Variants in SOBP observed in about 807,000 individuals in gnomAD.
SOBP encodes sine oculis binding protein homolog, also known as sine oculis-binding protein homolog.
In SOBP, 4 loss-of-function variants were observed where a neutral mutation model predicts 53.6. The observed-to-expected ratio is 0.07, with a 90% CI of 0.04 to 0.17. The LOEUF is 0.17. SOBP is among the 10% of genes least tolerant of loss of function. The pLI, the probability that SOBP is intolerant of heterozygous loss-of-function variation, is 1.00. For synonymous variants in SOBP, 584 were observed against 522.6 expected (o/e 1.12, Z -1.60); for missense variants, 1,088 against 1,204.7 (o/e 0.90, Z 1.43).
chr6:107,609,699 TTA>T (rs1199961640), intron 5 of SOBP, among the ~76,000 whole-genome samples: 1 of 152,074 alleles, frequency 6.6e-6, no homozygotes. Flanking sequence ...CCTAGCTCCG[TTA>T]TGCATAAGGA....
chr6:107,581,593 T>G (rs1254310821), intron 4 of SOBP, among the ~76,000 whole-genome samples: 1 of 152,208 alleles, frequency 6.6e-6, no homozygotes, highest in African/African-American at 2.4e-5. Context: ...CACAGCATAC[T>G]GAAAGGCAGT....
At chr6:107,652,502 G>A (rs1193874888) in intron 6 of SOBP, among the ~76,000 whole-genome samples, 1 of 152,232 alleles carries the variant, frequency 6.6e-6, no homozygotes, top group African/African-American at 2.4e-5. Context: ...TCTAGAGATA[G>A]AATCTGCTCC....
chr6:107,578,690 A>T (rs4945780), intron 4 of SOBP, among the ~76,000 whole-genome samples: 86,330 of 152,132 alleles, frequency 0.57, 28,201 homozygotes, highest in East Asian at 0.9. Context: ...GGTACGTGCA[A>T]GAAAAGCTGT....
intron 3 of SOBP, among the ~76,000 whole-genome samples, chr6:107,508,350 G>C (rs764462004): frequency 6.6e-5 from 10 of 152,116 alleles, no homozygotes; most frequent in Non-Finnish European, 1.3e-4. Flanking sequence ...AGGCCAAGGC[G>C]GGTGGATCAC....
intron 4 of SOBP, among the ~76,000 whole-genome samples, chr6:107,549,601 C>G (rs923263496): frequency 1.3e-5 from 2 of 152,020 alleles, no homozygotes; most frequent in Admixed American, 6.5e-5. Context: ...CCTCCTCATT[C>G]AAGCCCTTTT....
At chr6:107,556,453 A>T (rs528274444) in intron 4 of SOBP, among the ~76,000 whole-genome samples, 1 of 152,350 alleles carries the variant, frequency 6.6e-6, no homozygotes, top group African/African-American at 2.4e-5. Flanking sequence ...CAGCAGCATG[A>T]TTTCCATCAC....
chr6:107,656,287 A>AAAAGAAAGAAAG (rs1184787226), intron 6 of SOBP, among the ~76,000 whole-genome samples: 7 of 124,352 alleles, frequency 5.6e-5, no homozygotes, highest in South Asian at 3.1e-4. Flanking sequence ...AGAAAGAAAG[A>AAAAGAAAGAAAG]AAAGAAAGAA....
intron 4 of SOBP, among the ~76,000 whole-genome samples, chr6:107,565,282 G>C (rs1424067450): frequency 2.0e-5 from 3 of 152,160 alleles, no homozygotes; most frequent in Non-Finnish European, 2.9e-5. Context: ...CAGAGTCTCT[G>C]CTGAGTCCCA....
At chr6:107,549,845 G>A (rs150866260) in intron 4 of SOBP, among the ~76,000 whole-genome samples, 37 of 152,176 alleles carry the variant, frequency 2.4e-4, no homozygotes, top group Non-Finnish European at 1.5e-5. Flanking sequence ...GAAAACCTAT[G>A]TCAAAACAAC....
chr6:107,646,997 T>G, intron 6 of SOBP, among the ~76,000 whole-genome samples: 1 of 152,166 alleles, frequency 6.6e-6, no homozygotes, highest in Non-Finnish European at 1.5e-5. Context: ...TGCCCTAAAA[T>G]GGCAGTTGCC....
Position 107,490,611 on chromosome 6 carries a change from A to G in SOBP, c.-6A>G, listed in dbSNP as rs550082211. Reference sequence around the variant, plus strand: ...TTTCATCTCCACAGAAACCAGACACAAAAACATGGCAGAAATGGAGAAAGA... The same window carrying G: ...TTTCATCTCCACAGAAACCAGACACGAAAACATGGCAGAAATGGAGAAAGA... On this transcript the variant is annotated 5_prime_UTR_variant, in exon 1 of 7. Coordinates refer to ENST00000317357, the MANE Select transcript of SOBP (RefSeq NM_018013.4). The G allele has an allele frequency of 6.3e-7, 1 of 1,599,162 alleles. No individual in the cohort carries two copies. Among genetic ancestry groups the G allele is most frequent in the Non-Finnish European group, 8.5e-7 (1 of 1,172,028 alleles).
At chr6:107,503,882 G>A in intron 2 of SOBP, 87 bp downstream of exon 2, 1 of 1,496,488 alleles carries the variant, frequency 6.7e-7, no homozygotes. Flanking sequence ...GGACTCAATT[G>A]AGTTGCTTTG....
intron 1 of SOBP, 138 bp downstream of exon 1, chr6:107,490,850 T>C: frequency 2.9e-6 from 2 of 687,856 alleles, no homozygotes; most frequent in South Asian, 3.2e-5. Flanking sequence ...CCGCTCCTCC[T>C]CCAGGTGTAA....
intron 6 of SOBP, among the ~76,000 whole-genome samples, chr6:107,649,941 A>C (rs924012750): frequency 2.0e-5 from 3 of 152,228 alleles, no homozygotes; most frequent in African/African-American, 7.2e-5. Flanking sequence ...ACCACTTATA[A>C]GAAAAAACAG....
chr6:107,610,873 A>G (rs978055589), intron 5 of SOBP, among the ~76,000 whole-genome samples: 3 of 152,214 alleles, frequency 2.0e-5, no homozygotes. Flanking sequence ...TGCCTTGAGA[A>G]GAGTTGAACA....
rs186911909 is a variant in SOBP, at chr6:107,636,790, A to G, written c.*3+1321A>G. On this transcript the variant is annotated intron_variant, in intron 6 of 6. Transcript: ENST00000317357. ...GATCTCGTAAGATGAATAATTGCTCACATTTGTATGCAGGCTGTCTTCTAA... is the reference window on the plus strand; with the variant it reads ...GATCTCGTAAGATGAATAATTGCTCGCATTTGTATGCAGGCTGTCTTCTAA... Among the ~76,000 whole-genome samples, 4 of 152,300 alleles carry G rather than the reference A, an allele frequency of 2.6e-5. No homozygotes were observed. In the East Asian group the frequency reaches 7.7e-4, roughly 29 times the overall value.
intron 5 of SOBP, among the ~76,000 whole-genome samples, chr6:107,629,482 G>A (rs766828691): frequency 3.9e-5 from 6 of 152,038 alleles, no homozygotes; most frequent in Non-Finnish European, 8.8e-5. Context: ...CCTGTATATC[G>A]TGCCCATGTG....
chr6:107,600,537 TAA>T (rs34572615), intron 5 of SOBP, among the ~76,000 whole-genome samples: 46 of 147,664 alleles, frequency 3.1e-4, no homozygotes, highest in African/African-American at 9.9e-4. Context: ...AATCTACTGT[TAA>T]AAAAAAAAAA....
chr6:107,500,502 A>G (rs1782809316), intron 1 of SOBP, among the ~76,000 whole-genome samples: 1 of 151,816 alleles, frequency 6.6e-6, no homozygotes, highest in Admixed American at 6.6e-5. Flanking sequence ...ATCAAACTTC[A>G]CCTTGAAATT....
Sources: allele counts gnomAD v4.1 joint callset (sites outside exome capture counted in the v4.1 genomes callset), GRCh38; gene constraint gnomAD v4.1.1; transcripts MANE v1.5; gene names NCBI Gene and HGNC (gene_info 2026-07-23, HGNC 2026-07-21).